The following SYNJ1 variants were observed in gnomAD, a reference collection of about 807,000 sequenced individuals.
SYNJ1 encodes the protein synaptojanin 1, also known as polyphosphatidylinositol phosphatase SYNJ1.
A neutral mutation model predicts 168.2 loss-of-function variants in SYNJ1; 78 were observed. That is an observed-to-expected ratio of 0.46 (90% CI 0.39 to 0.56). The LOEUF (loss-of-function observed/expected upper bound fraction) is 0.56, where lower values mean the gene tolerates loss of function less well. SYNJ1 is among the 20% of genes least tolerant of loss of function. The pLI, the probability that SYNJ1 is intolerant of heterozygous loss-of-function variation, is 0.00. For missense variants in SYNJ1, 1,303 were observed against 1,597.6 expected (o/e 0.82, Z 3.14); for synonymous variants, 539 against 548.6 (o/e 0.98, Z 0.24).
intron 2 of SYNJ1, among the ~76,000 whole-genome samples, chr21:32,725,339 G>C (rs1436585581): frequency 1.3e-5 from 2 of 152,032 alleles, no homozygotes; most frequent in African/African-American, 4.8e-5. Context: ...AATTCCACTT[G>C]TAGTAAAAAA....
At chr21:32,688,510 TA>T (rs2041911596) in intron 6 of SYNJ1, 143 bp from the exon 7 acceptor site, 3 of 670,002 alleles carry the variant, frequency 4.5e-6, no homozygotes, top group Non-Finnish European at 6.8e-6. Context: ...GATATGCTTT[TA>T]AAAAAACAAG....
At chr21:32,676,782 T>A (rs1455805643) in intron 12 of SYNJ1, among the ~76,000 whole-genome samples, 1 of 152,180 alleles carries the variant, frequency 6.6e-6, no homozygotes, top group South Asian at 2.1e-4. Context: ...TTGATAAGTA[T>A]AATCACTTCA....
At chr21:32,668,048 T>TGTGTGTGC (rs2041019520) in intron 15 of SYNJ1, among the ~76,000 whole-genome samples, 1 of 137,104 alleles carries the variant, frequency 7.3e-6, no homozygotes, top group African/African-American at 2.7e-5. Flanking sequence ...TGTGTGTGTG[T>TGTGTGTGC]GCATGTGTGT....
At chr21:32,684,479 CTAA>C (rs1383379279) in intron 9 of SYNJ1, among the ~76,000 whole-genome samples, 1 of 152,174 alleles carries the variant, frequency 6.6e-6, no homozygotes, top group Admixed American at 6.5e-5. Context: ...TCTGTTATCT[CTAA>C]TGACTGTGTC....
chr21:32,719,529 C>T (rs986993093), intron 2 of SYNJ1, among the ~76,000 whole-genome samples: 1 of 152,056 alleles, frequency 6.6e-6, no homozygotes, highest in African/African-American at 2.4e-5. Context: ...GCCTGGCCAA[C>T]ATGGTGAAAC....
intron 7 of SYNJ1, among the ~76,000 whole-genome samples, chr21:32,687,886 G>T (rs537603337): frequency 3.3e-5 from 5 of 152,204 alleles, no homozygotes; most frequent in Admixed American, 2.6e-4. Context: ...ACAGATTTTG[G>T]TATGTGAGGG....
intron 31 of SYNJ1, among the ~76,000 whole-genome samples, chr21:32,635,962 T>C (rs1310794368): frequency 1.3e-5 from 2 of 152,178 alleles, no homozygotes; most frequent in Admixed American, 1.3e-4. Flanking sequence ...TATTACTAAA[T>C]AGCAAAACTA....
chr21:32,683,933 A>C, intron 10 of SYNJ1, 105 bp downstream of exon 10: 1 of 962,134 alleles, frequency 1.0e-6, no homozygotes, highest in Non-Finnish European at 1.6e-6. Flanking sequence ...AATGAAGCAT[A>C]ACATTACATA....
rs1601308461 is a variant in SYNJ1 at position 32,656,911 on chromosome 21, A to G, written c.2580-9T>C. On this transcript the variant is annotated splice_polypyrimidine_tract_variant and intron_variant, in intron 20 of 32. Coordinates refer to ENST00000674351, the MANE Select transcript of SYNJ1 (RefSeq NM_203446.3). Reference sequence around the variant, plus strand: ...TCAGGGCAACGACAGGCCTTAAGGCATAAAGGAAGATAGATGTATTAGAAA... The same window carrying G: ...TCAGGGCAACGACAGGCCTTAAGGCGTAAAGGAAGATAGATGTATTAGAAA... 2 of 1,612,866 alleles carry G rather than the reference A, an allele frequency of 1.2e-6. No individual in the cohort carries two copies. Among genetic ancestry groups the G allele is most frequent in the Non-Finnish European group, 1.7e-6 (2 of 1,179,566 alleles).
intron 18 of SYNJ1, among the ~76,000 whole-genome samples, chr21:32,664,555 C>T (rs902667321): frequency 2.6e-5 from 4 of 151,956 alleles, no homozygotes; most frequent in Non-Finnish European, 5.9e-5. Flanking sequence ...GCCCCCAGTC[C>T]CATACCCCCT....
chr21:32,724,635 GAATAC>G (rs1288195626), intron 2 of SYNJ1, among the ~76,000 whole-genome samples: 1 of 152,208 alleles, frequency 6.6e-6, no homozygotes, highest in Admixed American at 6.5e-5. Context: ...CACAGCTTCT[GAATAC>G]AATAGGCATT....
rs146753923 is a variant in SYNJ1 at position 32,642,162 on chromosome 21, A to T, written c.3479-29T>A. ...TGAAGCAAGAAGGGAAAAAAAAATT[A>T]GTTGTAAGTTAACAATTAAGCAATA... is the stretch of plus-strand genomic sequence containing the variant. On this transcript the variant is annotated intron_variant, in intron 27 of 32. Coordinates refer to ENST00000674351, the MANE Select transcript of SYNJ1 (RefSeq NM_203446.3). The T allele has an allele frequency of 4.3e-6, 7 of 1,613,250 alleles. No individual in the cohort carries two copies. In the African/African-American group the frequency reaches 9.3e-5, roughly 22 times the overall value.
chr21:32,687,104 T>A, intron 7 of SYNJ1, 30 bp from the exon 8 acceptor site: 1 of 1,255,076 alleles, frequency 8.0e-7, no homozygotes, highest in Non-Finnish European at 1.1e-6. Context: ...AATAAATACA[T>A]GTCAAATAAG....
In SYNJ1 at chr21:32,665,017, G is replaced by A. The variant is rs1201655209; in HGVS notation, c.2200C>T (p.Arg734Ter). Residue 734 changes from arginine (R) to a stop codon, truncating the protein, a stop_gained, in exon 18 of 33, where the codon CGA becomes TGA. Transcript: ENST00000674351. LOFTEE classifies it high-confidence loss of function. ...ACTTCTTCGTTAGGGAGATCGATTCGATAGTTGAAATCACCACACCAAAAT... is the reference window on the plus strand; with the variant it reads ...ACTTCTTCGTTAGGGAGATCGATTCAATAGTTGAAATCACCACACCAAAAT... Reference protein sequence around the residue: ...YVFWCGDFNYRIDLPNEEVKE... With the variant: ...YVFWCGDFNY The A allele has an allele frequency of 1.9e-6, 3 of 1,613,194 alleles. No individual in the cohort carries two copies. The highest frequency in any genetic ancestry group is 2.5e-6 in the Non-Finnish European group (3 of 1,179,436).
At chr21:32,694,762 AG>A (rs1164758037) in intron 5 of SYNJ1, among the ~76,000 whole-genome samples, 1 of 152,196 alleles carries the variant, frequency 6.6e-6, no homozygotes, top group Non-Finnish European at 1.5e-5. Context: ...CAAAAAAACA[AG>A]TTGTCTAACT....
chr21:32,636,380 TA>T (rs889373885), intron 31 of SYNJ1, among the ~76,000 whole-genome samples: 2 of 152,192 alleles, frequency 1.3e-5, no homozygotes, highest in Non-Finnish European at 2.9e-5. Context: ...TACAAAATTA[TA>T]AAGTCAAAGG....
intron 29 of SYNJ1, among the ~76,000 whole-genome samples, chr21:32,641,435 C>T (rs528703723): frequency 9.2e-5 from 14 of 151,978 alleles, no homozygotes; most frequent in Middle Eastern, 3.4e-3. Context: ...AATACCTTTA[C>T]GGAATATGAT....
At chr21:32,671,777 G>A (rs973915657) in intron 14 of SYNJ1, among the ~76,000 whole-genome samples, 2 of 152,124 alleles carry the variant, frequency 1.3e-5, no homozygotes, top group East Asian at 3.9e-4. Flanking sequence ...GGCATTTTAG[G>A]CCAGGTGCAG....
At chr21:32,672,847 T>C (rs537059248) in intron 14 of SYNJ1, among the ~76,000 whole-genome samples, 31 of 152,272 alleles carry the variant, frequency 2.0e-4, no homozygotes, top group African/African-American at 7.0e-4. Context: ...AGTAACTAAA[T>C]AGAGGATTAA....
Sources: allele counts gnomAD v4.1 joint callset (sites outside exome capture counted in the v4.1 genomes callset), GRCh38; gene constraint gnomAD v4.1.1; transcripts MANE v1.5; gene names NCBI Gene and HGNC (gene_info 2026-07-23, HGNC 2026-07-21).